Variants in SLC26A4 observed in about 807,000 individuals in gnomAD.
SLC26A4 encodes solute carrier family 26 member 4.
SLC26A4 carries 93 observed loss-of-function variants against 90.4 expected under a neutral mutation model. The ratio of observed to expected loss-of-function variants is 1.03; its 90% confidence interval spans 0.87 to 1.22. SLC26A4 has a LOEUF of 1.22. SLC26A4 is among the 50% of genes most tolerant of loss of function. The pLI, the probability that SLC26A4 is intolerant of heterozygous loss-of-function variation, is 0.00. For missense variants in SLC26A4, 1,127 were observed against 946.2 expected, an observed-to-expected ratio of 1.19 and a Z score of -2.51; for synonymous variants, 393 against 354.6, an observed-to-expected ratio of 1.11 and a Z score of -1.22.
chr7:107,671,575 A>G (rs1790867275), intron 3 of SLC26A4, among the ~76,000 whole-genome samples: 1 of 152,226 alleles, frequency 6.6e-6, no homozygotes, highest in Non-Finnish European at 1.5e-5. Context: ...TTGTAGATGC[A>G]ATCATTGTTC....
Position 107,690,364 on chromosome 7 carries a change from C to T in SLC26A4, c.1263+127C>T, listed in dbSNP as rs1584325461. 6 of 712,008 alleles carry T rather than the reference C, an allele frequency of 8.4e-6. No individual in the cohort carries two copies. The East Asian group carries it at 1.6e-4, about 19-fold the overall frequency. The allele number at this position is 712,008 out of a possible 1,614,324, so 44.1% of individuals were successfully genotyped here. ...ACTTGTACTTCCTAATCTGATTCAC[C>T]TCAGGCCTATTCCTCTTGTTCCACT... On this transcript the variant is annotated intron_variant, in intron 10 of 20. Transcript: ENST00000644269.
intron 6 of SLC26A4, among the ~76,000 whole-genome samples, chr7:107,681,843 G>A (rs755408294): frequency 6.6e-6 from 1 of 151,870 alleles, no homozygotes; most frequent in East Asian, 1.9e-4. Flanking sequence ...CCAACACTTT[G>A]AGAGGTTGGG....
At chr7:107,690,096 G>A in intron 9 of SLC26A4, 28 bp from the exon 10 acceptor site, 1 of 1,271,932 alleles carries the variant, frequency 7.9e-7, no homozygotes, top group Non-Finnish European at 1.2e-6. Flanking sequence ...CAATTTGTAG[G>A]ATCGTTGTCA....
At chr7:107,666,609 A>G (rs1228036946) in intron 3 of SLC26A4, among the ~76,000 whole-genome samples, 1 of 152,194 alleles carries the variant, frequency 6.6e-6, no homozygotes, top group Non-Finnish European at 1.5e-5. Context: ...AATGAGAAGG[A>G]GACAGCCATG....
intron 3 of SLC26A4, among the ~76,000 whole-genome samples, chr7:107,668,968 AT>A (rs917879834): frequency 1.2e-4 from 18 of 151,968 alleles, no homozygotes; most frequent in African/African-American, 4.1e-4. Context: ...ATTTCTTCTA[AT>A]TTTTTTTCTT....
chr7:107,715,524 C>G lies in SLC26A4; in HGVS notation c.*78C>G, dbSNP rs1792324521. Reference sequence around the variant, plus strand: ...AATGCATTGACTATTTCTTCAGACTCAAAACACTCATTCTTTTTTCTATTA... The same window carrying G: ...AATGCATTGACTATTTCTTCAGACTGAAAACACTCATTCTTTTTTCTATTA... On this transcript the variant is annotated 3_prime_UTR_variant, in exon 21 of 21. Transcript: ENST00000644269. 1 of 1,013,202 alleles carries G rather than the reference C, an allele frequency of 9.9e-7. No homozygotes were observed. The highest frequency in any genetic ancestry group is 1.6e-5 in the African/African-American group (1 of 63,498). The allele number at this position is 1,013,202 out of a possible 1,614,324, so 62.8% of individuals were successfully genotyped here.
At chr7:107,713,629 G>A (rs572774073) in intron 20 of SLC26A4, among the ~76,000 whole-genome samples, 2 of 152,318 alleles carry the variant, frequency 1.3e-5, no homozygotes, top group African/African-American at 4.8e-5. Context: ...GGCCAGCATG[G>A]AGATTATTCA....
At chr7:107,701,240 C>A in intron 16 of SLC26A4, 44 bp downstream of exon 16, 1 of 1,237,728 alleles carries the variant, frequency 8.1e-7, no homozygotes, top group South Asian at 1.2e-5. Context: ...ATTTCCTTTC[C>A]CTGATGAGAG....
At chr7:107,691,832 T>G in intron 10 of SLC26A4, 1 of 1,133,738 alleles carries the variant, frequency 8.8e-7, no homozygotes, top group African/African-American at 1.7e-5. Context: ...ATACAGCTCA[T>G]ATCCGGAGGC....
chr7:107,662,898 A>T (rs1195734833), intron 2 of SLC26A4, among the ~76,000 whole-genome samples: 1 of 152,174 alleles, frequency 6.6e-6, no homozygotes, highest in Admixed American at 6.5e-5. Context: ...GCCAAAATAT[A>T]CTCAGTGTGT....
intron 3 of SLC26A4, among the ~76,000 whole-genome samples, chr7:107,667,393 C>G (rs1313590148): frequency 7.1e-6 from 1 of 140,080 alleles, no homozygotes; most frequent in Non-Finnish European, 1.5e-5. Context: ...CTGAGAAAGC[C>G]TGGCGCAGGA....
chr7:107,682,644 G>T (rs1306610934), intron 6 of SLC26A4, among the ~76,000 whole-genome samples: 3 of 151,434 alleles, frequency 2.0e-5, no homozygotes, highest in South Asian at 4.2e-4. Context: ...CCAAAAAAAA[G>T]AAAGCTAGAA....
chr7:107,695,338 G>A (rs117078143), intron 12 of SLC26A4, among the ~76,000 whole-genome samples: 1 of 152,156 alleles, frequency 6.6e-6, no homozygotes, highest in Non-Finnish European at 1.5e-5. Flanking sequence ...GGAGAAGGGG[G>A]AGGGTTGTGA....
intron 18 of SLC26A4, among the ~76,000 whole-genome samples, chr7:107,708,312 A>G (rs1209101010): frequency 1.3e-5 from 2 of 152,180 alleles, no homozygotes; most frequent in Admixed American, 6.5e-5. Flanking sequence ...TAAAATTGGC[A>G]TTGTACCTTA....
At chr7:107,694,281 AG>A (rs1791669952) in intron 10 of SLC26A4, 121 bp from the exon 11 acceptor site, 2 of 762,754 alleles carry the variant, frequency 2.6e-6, no homozygotes, top group Non-Finnish European at 4.7e-6. Context: ...ATTGAGCAGA[AG>A]GGGGAGACAG....
intron 18 of SLC26A4, among the ~76,000 whole-genome samples, chr7:107,705,697 T>G (rs1191059493): frequency 6.6e-6 from 1 of 152,196 alleles, no homozygotes; most frequent in Non-Finnish European, 1.5e-5. Flanking sequence ...TTGTGAAGTT[T>G]TAACTACAGC....
Position 107,663,428 on chromosome 7 carries a change from G to T in SLC26A4, c.297G>T (p.Thr99=), listed in dbSNP as rs397516429. 1.2e-6 allele frequency: 2 copies of T among 1,613,968 alleles called. No homozygotes were observed. Among genetic ancestry groups the T allele is most frequent in the Non-Finnish European group, 1.7e-6 (2 of 1,179,924 alleles). Residue 99 remains threonine (T), a synonymous_variant, in exon 3 of 21, where the codon ACG becomes ACT. Coordinates refer to ENST00000644269, the MANE Select transcript of SLC26A4 (RefSeq NM_000441.2). ...ISGVSTGLVA[T]LQGMAYALLA... Reference sequence around the variant, plus strand: ...GAGTTAGTACTGGGCTAGTGGCCACGCTGCAAGGTAAGATGTTGGCAGATT... The same window carrying T: ...GAGTTAGTACTGGGCTAGTGGCCACTCTGCAAGGTAAGATGTTGGCAGATT...
chr7:107,712,198 G>T lies in SLC26A4; in HGVS notation c.2236-341G>T, dbSNP rs531044110. Among the ~76,000 whole-genome samples the T allele has an allele frequency of 2.4e-4, 37 of 152,288 alleles. No homozygotes were observed. In the South Asian group the frequency reaches 7.5e-3, roughly 31 times the overall value. ...GCATTCATTGCACACTCAACGCTGT[G>T]CTAAGTGCTCTTAGCTTAGCCATTG... On this transcript the variant is annotated intron_variant, in intron 19 of 20. Coordinates refer to ENST00000644269, the MANE Select transcript of SLC26A4 (RefSeq NM_000441.2).
chr7:107,682,596 A>G (rs1255238722), intron 6 of SLC26A4, among the ~76,000 whole-genome samples: 1 of 152,112 alleles, frequency 6.6e-6, no homozygotes, highest in African/African-American at 2.4e-5. Context: ...ATTCAGGTTT[A>G]GGAAAGAACT....
Sources: gnomAD v4.1 joint callset for allele counts (sites outside exome capture counted in the v4.1 genomes callset) on GRCh38, gnomAD v4.1.1 for gene constraint, MANE v1.5 for transcripts, NCBI Gene and HGNC (gene_info 2026-07-23, HGNC 2026-07-21) for gene names.